Variants in SMOC2 observed in about 807,000 individuals in gnomAD.
The protein encoded by SMOC2 is SPARC related modular calcium binding 2, also known as SPARC-related modular calcium-binding protein 2.
A neutral mutation model predicts 61.4 loss-of-function variants in SMOC2; 39 were observed. The observed-to-expected ratio is 0.64, with a 90% confidence interval of 0.49 to 0.83. The LOEUF is 0.83. Ranked by LOEUF, SMOC2 falls within the 40% of genes least tolerant of loss-of-function variation. The pLI, the probability that SMOC2 is intolerant of heterozygous loss-of-function variation, is 0.00. For synonymous variants in SMOC2, 247 were observed against 239.9 expected (o/e 1.03, Z -0.27); for missense variants, 556 against 592.9 (o/e 0.94, Z 0.65).
At chr6:168,661,079 T>G (rs1787496690) in intron 11 of SMOC2, among the ~76,000 whole-genome samples, 1 of 151,606 alleles carries the variant, frequency 6.6e-6, no homozygotes, top group African/African-American at 2.4e-5. Context: ...GGATACATAT[T>G]TAGCTGATTT....
In SMOC2 at chr6:168,492,874, T is replaced by C. The variant is rs76046487; in HGVS notation, c.85-17041T>C. On this transcript the variant is annotated intron_variant, in intron 1 of 12. Transcript: ENST00000356284. ...AGAAATGTGCCTTCTCTTCCTTGTG[T>C]TGTAGGTTTGTTAGGATCGAATGGA... Among the ~76,000 whole-genome samples the C allele has an allele frequency of 6.4e-4, 98 of 152,320 alleles. No homozygotes were observed. In the East Asian group the frequency reaches 0.011, roughly 17 times the overall value.
intron 7 of SMOC2, among the ~76,000 whole-genome samples, chr6:168,568,045 GC>G (rs1326444340): frequency 7.0e-6 from 1 of 143,390 alleles, no homozygotes; most frequent in Non-Finnish European, 1.5e-5. Context: ...CAGATGAGCA[GC>G]CACAGGCGAA....
intron 1 of SMOC2, among the ~76,000 whole-genome samples, chr6:168,454,294 G>A (rs1483706775): frequency 6.6e-6 from 1 of 152,084 alleles, no homozygotes; most frequent in East Asian, 1.9e-4. Context: ...CTGAGGCATC[G>A]CTGAAGTGTT....
chr6:168,515,465 C>T (rs558432670), intron 2 of SMOC2, among the ~76,000 whole-genome samples: 1 of 152,278 alleles, frequency 6.6e-6, no homozygotes, highest in South Asian at 2.1e-4. Flanking sequence ...TTCCGCTCCA[C>T]GAGTTGCCTC....
At chr6:168,496,983 CGGCCCCCGGCAAGCATGG>C (rs550096870) in intron 1 of SMOC2, among the ~76,000 whole-genome samples, 1 of 152,364 alleles carries the variant, frequency 6.6e-6, no homozygotes, top group South Asian at 2.1e-4. Flanking sequence ...GGGGAAGATG[CGGCCCCCGGCAAGCATGG>C]GGAAGGCTGA....
At chr6:168,558,894 CATGTGTGTGCACGTGTGT>C (rs1156510224) in intron 7 of SMOC2, among the ~76,000 whole-genome samples, 8 of 150,968 alleles carry the variant, frequency 5.3e-5, no homozygotes, top group Non-Finnish European at 1.0e-4. Flanking sequence ...TGTGCGTGTG[CATGTGTGTGCACGTGTGT>C]ATGTGTGCTT....
At chr6:168,511,697 A>G (rs968855066) in intron 2 of SMOC2, among the ~76,000 whole-genome samples, 1 of 151,682 alleles carries the variant, frequency 6.6e-6, no homozygotes, top group African/African-American at 2.4e-5. Flanking sequence ...GGCAAACTCA[A>G]CCCCTATGCA....
rs1781483950 is a variant in SMOC2, at chr6:168,452,309, A to G, written c.84+10855A>G. On this transcript the variant is annotated intron_variant, in intron 1 of 12. Coordinates refer to ENST00000356284, the MANE Select transcript of SMOC2 (RefSeq NM_001166412.2). This position sits in a 1 kb window ranked among gnomAD's most constrained non-coding sequence, Gnocchi z 5.0. Reference sequence around the variant, plus strand: ...CATTCAGGATTACTACCCACATATCAGATAAGAGTATCATGTTATTGAAGC... The same window carrying G: ...CATTCAGGATTACTACCCACATATCGGATAAGAGTATCATGTTATTGAAGC... 6.6e-6 allele frequency among the ~76,000 whole-genome samples: 1 copy of G among 152,226 alleles called. No homozygotes were observed. Among genetic ancestry groups the G allele is most frequent in the Non-Finnish European group, 1.5e-5 (1 of 68,042 alleles).
rs73789131 is a variant in SMOC2, at chr6:168,576,507, G to A, written c.638-22311G>A. 1.6e-3 allele frequency among the ~76,000 whole-genome samples: 241 copies of A among 152,162 alleles called. 2 individuals are homozygous for A. Among genetic ancestry groups the A allele is most frequent in the African/African-American group, 5.5e-3 (227 of 41,462 alleles). ...TCTATAAAAGTGGTTCCGACCCCAC[G>A]GATCTCCTGTGAGGACCTTAGGGAG... On this transcript the variant is annotated intron_variant, in intron 7 of 12. Coordinates refer to ENST00000356284, the MANE Select transcript of SMOC2 (RefSeq NM_001166412.2).
At chr6:168,576,545 C>T (rs1450244270) in intron 7 of SMOC2, among the ~76,000 whole-genome samples, 2 of 152,050 alleles carry the variant, frequency 1.3e-5, no homozygotes, top group Non-Finnish European at 2.9e-5. Context: ...CTGGGGGTCC[C>T]TTCAGACCTC....
chr6:168,510,121 G>C lies in SMOC2; in HGVS notation c.256+35G>C, dbSNP rs199593209. The C allele has an allele frequency of 1.8e-4, 289 of 1,580,626 alleles. 1 individual carries two copies. In the African/African-American group the frequency reaches 3.7e-3, roughly 20 times the overall value. On this transcript the variant is annotated intron_variant, in intron 2 of 12. Coordinates refer to ENST00000356284, the MANE Select transcript of SMOC2 (RefSeq NM_001166412.2). ...TGTTTGATCATTCATCCAAAGATGG[G>C]TACATCCATCATCAAAATGAATGCA...
intron 1 of SMOC2, among the ~76,000 whole-genome samples, chr6:168,502,276 C>G (rs1045384959): frequency 3.3e-5 from 5 of 152,214 alleles, no homozygotes; most frequent in Admixed American, 1.3e-4. Flanking sequence ...CTTTATGAAA[C>G]AGGAATCCTT....
intron 7 of SMOC2, among the ~76,000 whole-genome samples, chr6:168,578,072 T>G (rs1390860618): frequency 6.6e-6 from 1 of 152,354 alleles, no homozygotes; most frequent in East Asian, 1.9e-4. Context: ...AAAACCCAGG[T>G]ACAATGACAC....
chr6:168,470,099 G>A (rs1213337497), intron 1 of SMOC2, among the ~76,000 whole-genome samples: 1 of 152,142 alleles, frequency 6.6e-6, no homozygotes, highest in Non-Finnish European at 1.5e-5. Context: ...GTGCGATTTG[G>A]ATCCTCTCTT....
chr6:168,472,059 C>A (rs1174003223), intron 1 of SMOC2, among the ~76,000 whole-genome samples: 2 of 152,174 alleles, frequency 1.3e-5, no homozygotes, highest in East Asian at 3.8e-4. Context: ...TGATGCAGTC[C>A]AGTTTATCCA....
At chr6:168,629,922 C>A (rs981998133) in intron 9 of SMOC2, among the ~76,000 whole-genome samples, 1 of 152,134 alleles carries the variant, frequency 6.6e-6, no homozygotes, top group Non-Finnish European at 1.5e-5. Flanking sequence ...AAAGCTTATT[C>A]TTTTGCTTGA....
intron 2 of SMOC2, among the ~76,000 whole-genome samples, chr6:168,513,705 G>A (rs1002438490): frequency 1.3e-5 from 2 of 152,140 alleles, no homozygotes; most frequent in South Asian, 2.1e-4. Flanking sequence ...CTTGAAGAGC[G>A]CTGAGGCTGC....
intron 3 of SMOC2, among the ~76,000 whole-genome samples, 199 bp from the exon 4 acceptor site, chr6:168,527,429 G>A (rs887687380): frequency 1.3e-5 from 2 of 152,204 alleles, no homozygotes; most frequent in African/African-American, 2.4e-5. Flanking sequence ...GCTGATTTGG[G>A]CCCCTTTTAT....
At chr6:168,491,221 C>A (rs1376804717) in intron 1 of SMOC2, among the ~76,000 whole-genome samples, 1 of 152,152 alleles carries the variant, frequency 6.6e-6, no homozygotes, top group African/African-American at 2.4e-5. Context: ...CTTGTGGAAG[C>A]TGGAGAATTT....
Sources: gnomAD v4.1 joint callset for allele counts (sites outside exome capture counted in the v4.1 genomes callset) on GRCh38, gnomAD v4.1.1 for gene constraint, Gnocchi (gnomAD v3.1) non-coding constraint, MANE v1.5 for transcripts, NCBI Gene and HGNC (gene_info 2026-07-23, HGNC 2026-07-21) for gene names.